The following DZIP1 variants were observed in gnomAD, a reference collection of about 807,000 sequenced individuals.
The protein encoded by DZIP1 is DAZ interacting zinc finger protein 1.
A neutral mutation model predicts 107.6 loss-of-function variants in DZIP1; 97 were observed. That is an observed-to-expected ratio of 0.90 (90% CI 0.77 to 1.07). DZIP1 has a LOEUF of 1.07. Ranked by LOEUF, DZIP1 falls within the 50% of genes least tolerant of loss-of-function variation. The probability of loss-of-function intolerance (pLI) is 0.00; values close to 1 mark genes in which losing one functional copy is unlikely to be tolerated. For missense variants in DZIP1, 1,035 were observed against 1,063.6 expected (o/e 0.97, Z 0.37); for synonymous variants, 390 against 386.4 (o/e 1.01, Z -0.11).
chr13:95,596,991 G>A (rs566156084), intron 15 of DZIP1, among the ~76,000 whole-genome samples: 11 of 152,306 alleles, frequency 7.2e-5, no homozygotes, highest in African/African-American at 2.6e-4. Flanking sequence ...GTTTTCTATG[G>A]TCCTCAGCAC....
At chr13:95,596,704 C>G (rs2044466198) in intron 15 of DZIP1, among the ~76,000 whole-genome samples, 1 of 152,186 alleles carries the variant, frequency 6.6e-6, no homozygotes, top group South Asian at 2.1e-4. Flanking sequence ...CCTTCTGGCC[C>G]TCACATTCTA....
intron 2 of DZIP1, 104 bp from the exon 3 acceptor site, chr13:95,643,361 AC>A (rs1280180595): frequency 6.6e-6 from 1 of 152,226 alleles, no homozygotes; most frequent in Non-Finnish European, 1.5e-5. Flanking sequence ...GATATTGTTA[AC>A]TAGAAATAAA....
rs2045030951 is a variant in DZIP1, at chr13:95,612,136, A to T, written c.1215T>A (p.Asp405Glu). The change falls in exon 11 of 23, where the codon GAT (aspartate) becomes GAA (glutamate). Residue 405 changes from aspartate (D) to glutamate (E), a missense_variant. Coordinates refer to ENST00000376829, the MANE Select transcript of DZIP1 (RefSeq NM_198968.4). Reference sequence around the variant, plus strand: ...AGAAAACATTGCTTGCATTTAGATCATCTATCATTGAGGTTCGAAGTTTCT... The same window carrying T: ...AGAAAACATTGCTTGCATTTAGATCTTCTATCATTGAGGTTCGAAGTTTCT... ...HIEKLRTSMIDDLNASNVFYK... is the reference protein window; with the variant it reads ...HIEKLRTSMIEDLNASNVFYK... 6.2e-7 allele frequency: 1 copy of T among 1,613,144 alleles called. No homozygotes were observed. The highest frequency in any genetic ancestry group is 1.7e-5 in the Admixed American group (1 of 59,978).
At chr13:95,642,610 G>T (rs1000339825) in intron 3 of DZIP1, among the ~76,000 whole-genome samples, 1 of 152,136 alleles carries the variant, frequency 6.6e-6, no homozygotes, top group South Asian at 2.1e-4. Context: ...AGGGGGACTC[G>T]CTGCAAAAGG....
chr13:95,628,464 T>G (rs189928331), intron 7 of DZIP1, among the ~76,000 whole-genome samples: 1 of 152,312 alleles, frequency 6.6e-6, no homozygotes, highest in Admixed American at 6.5e-5. Context: ...GTTATTTTTC[T>G]GGGGTGTTGA....
At chr13:95,608,408 C>T (rs1039507845) in intron 13 of DZIP1, among the ~76,000 whole-genome samples, 3 of 150,612 alleles carry the variant, frequency 2.0e-5, no homozygotes, top group Non-Finnish European at 4.4e-5. Context: ...TTTGCATACT[C>T]CATTTGGAGA....
intron 10 of DZIP1, among the ~76,000 whole-genome samples, chr13:95,618,369 G>C (rs1875409575): frequency 6.6e-6 from 1 of 152,136 alleles, no homozygotes; most frequent in Non-Finnish European, 1.5e-5. Context: ...TACTGTATAT[G>C]TGTATATCTA....
intron 10 of DZIP1, 77 bp from the exon 11 acceptor site, chr13:95,612,254 A>T (rs2045036634): frequency 6.6e-7 from 1 of 1,508,212 alleles, no homozygotes; most frequent in Admixed American, 1.9e-5. Context: ...TCAGGTATAC[A>T]TGCTCTGCCT....
chr13:95,637,642 CTCT>C (rs1877974367), intron 5 of DZIP1, among the ~76,000 whole-genome samples: 6 of 113,506 alleles, frequency 5.3e-5, no homozygotes, highest in Non-Finnish European at 1.2e-4. Flanking sequence ...CTCTCTCTCT[CTCT>C]CCAAACACAG....
chr13:95,585,526 A>C (rs1345040335), intron 21 of DZIP1, among the ~76,000 whole-genome samples: 2 of 152,184 alleles, frequency 1.3e-5, no homozygotes, highest in African/African-American at 4.8e-5. Context: ...CCATCCACAG[A>C]AACACCTCTG....
chr13:95,618,469 T>C (rs1875423036), intron 10 of DZIP1, among the ~76,000 whole-genome samples: 1 of 152,230 alleles, frequency 6.6e-6, no homozygotes, highest in Non-Finnish European at 1.5e-5. Context: ...AGAGGAAAAA[T>C]AGTGCTTCCT....
intron 15 of DZIP1, among the ~76,000 whole-genome samples, chr13:95,597,749 T>C (rs1464712938): frequency 1.3e-5 from 2 of 152,126 alleles, no homozygotes; most frequent in East Asian, 3.9e-4. Context: ...ACAAAGCAAA[T>C]AATTTTAAAA....
rs1292260191 is a variant in DZIP1, at chr13:95,627,059, T to G, written c.811-2130A>C. Among the ~76,000 whole-genome samples, 4 of 152,242 alleles carry G rather than the reference T, an allele frequency of 2.6e-5. No homozygotes were observed. In the East Asian group the frequency reaches 7.7e-4, roughly 29 times the overall value. On this transcript the variant is annotated intron_variant, in intron 7 of 22. Coordinates refer to ENST00000376829, the MANE Select transcript of DZIP1 (RefSeq NM_198968.4). ...GAGGCCACAAATAACCAAAACAATA[T>G]TGAAAAAGAAAAACAAAGTTGGAAG...
chr13:95,590,676 T>A (rs2044288304), intron 16 of DZIP1, among the ~76,000 whole-genome samples: 1 of 152,188 alleles, frequency 6.6e-6, no homozygotes, highest in Admixed American at 6.5e-5. Flanking sequence ...CTGTGTGTCA[T>A]AAGGACCCAA....
intron 12 of DZIP1, 29 bp downstream of exon 12, chr13:95,611,416 C>T (rs190001068): frequency 2.5e-6 from 4 of 1,603,524 alleles, no homozygotes; most frequent in Non-Finnish European, 3.4e-6. Flanking sequence ...GTTCCCCTTG[C>T]CGCCAGTACC....
At chr13:95,610,190 C>T (rs1355361719) in intron 12 of DZIP1, among the ~76,000 whole-genome samples, 1 of 151,928 alleles carries the variant, frequency 6.6e-6, no homozygotes, top group South Asian at 2.1e-4. Context: ...CTATCACTGC[C>T]GCAGTCAGTA....
chr13:95,615,405 A>G (rs991331680), intron 10 of DZIP1, among the ~76,000 whole-genome samples: 2 of 152,220 alleles, frequency 1.3e-5, no homozygotes, highest in African/African-American at 2.4e-5. Flanking sequence ...GGCTTGAAGA[A>G]TAAGAGTAGG....
intron 8 of DZIP1, 142 bp downstream of exon 8, chr13:95,624,626 G>C (rs919323406): frequency 1.3e-6 from 1 of 768,170 alleles, no homozygotes; most frequent in Non-Finnish European, 2.1e-6. Context: ...TCTCCTCTAT[G>C]CCTCCCTCAA....
intron 22 of DZIP1, among the ~76,000 whole-genome samples, chr13:95,583,795 T>C (rs962187448): frequency 3.3e-5 from 5 of 151,990 alleles, no homozygotes; most frequent in African/African-American, 1.2e-4. Context: ...AAAAGGCATC[T>C]TCATGAAGAG....
Sources: allele counts gnomAD v4.1 joint callset (sites outside exome capture counted in the v4.1 genomes callset), GRCh38; gene constraint gnomAD v4.1.1; transcripts MANE v1.5; gene names NCBI Gene and HGNC (gene_info 2026-07-23, HGNC 2026-07-21).